Variants in CDH18 observed in about 807,000 individuals in gnomAD.
CDH18 encodes the protein cadherin-18.
Under a neutral mutation model 67.9 loss-of-function variants are expected in CDH18, and 31 were observed. The observed-to-expected ratio is 0.46, with a 90% CI of 0.34 to 0.62. CDH18 has a LOEUF of 0.62. Ranked by LOEUF, CDH18 falls within the 20% of genes least tolerant of loss-of-function variation. CDH18 has a pLI of 0.01. For synonymous variants in CDH18, 362 were observed against 347.2 expected (o/e 1.04, Z -0.48); for missense variants, 890 against 975.5 (o/e 0.91, Z 1.17).
At chr5:19,917,531 T>G (rs1791963334) in intron 2 of CDH18, among the ~76,000 whole-genome samples, 1 of 152,162 alleles carries the variant, frequency 6.6e-6, no homozygotes, top group African/African-American at 2.4e-5. Context: ...TGCATGTTTG[T>G]GTCCCTGCTT....
chr5:20,262,480 T>C (rs534728833), intron 1 of CDH18, among the ~76,000 whole-genome samples: 167 of 152,324 alleles, frequency 1.1e-3, no homozygotes, highest in African/African-American at 3.7e-3. Flanking sequence ...ATAATACATA[T>C]GCATAAATTC....
chr5:19,507,468 C>A (rs1295133481), intron 10 of CDH18, among the ~76,000 whole-genome samples: 1 of 151,990 alleles, frequency 6.6e-6, no homozygotes, highest in Non-Finnish European at 1.5e-5. Flanking sequence ...ATGTTTATTG[C>A]GGCACTATTC....
chr5:20,444,725 A>G (rs1313380351), intron 1 of CDH18, among the ~76,000 whole-genome samples: 3 of 152,018 alleles, frequency 2.0e-5, no homozygotes, highest in African/African-American at 4.8e-5. Flanking sequence ...TAAAATACCA[A>G]TACTCAAGTT....
intron 2 of CDH18, among the ~76,000 whole-genome samples, chr5:20,147,596 G>A (rs1750754521): frequency 6.6e-6 from 1 of 152,070 alleles, no homozygotes; most frequent in Non-Finnish European, 1.5e-5. Context: ...TGTAGACAGT[G>A]CAACTTGTAG....
At chr5:19,920,842 A>G (rs1579600772) in intron 2 of CDH18, among the ~76,000 whole-genome samples, 1 of 151,538 alleles carries the variant, frequency 6.6e-6, no homozygotes, top group East Asian at 2.0e-4. Flanking sequence ...CATCTCTGAA[A>G]TTTAGGGGTA....
In CDH18 at chr5:20,234,830, CA is replaced by C. The variant is rs572980128; in HGVS notation, c.-518+20613del. Among the ~76,000 whole-genome samples the C allele has an allele frequency of 1.2e-3, 188 of 152,162 alleles. 1 individual carries two copies. Among genetic ancestry groups the C allele is most frequent in the African/African-American group, 4.2e-3 (175 of 41,534 alleles). On this transcript the variant is annotated intron_variant, in intron 2 of 14. Coordinates refer to the CDH18 transcript ENST00000507958. ...GGGGACAACAATGTTTGAAGAAACA[CA>C]GACAGAAAGGTTCCAAATTTGATGA...
intron 9 of CDH18, among the ~76,000 whole-genome samples, chr5:19,528,775 A>T (rs1322772516): frequency 1.3e-5 from 2 of 151,940 alleles, no homozygotes; most frequent in African/African-American, 4.8e-5. Context: ...AAATTACCTG[A>T]GATTTTATAA....
chr5:20,549,579 T>C lies in CDH18; in HGVS notation c.-580+25883A>G, dbSNP rs138024663. On this transcript the variant is annotated intron_variant, in intron 1 of 14. Transcript: ENST00000507958. ...GAGTTTGGATGTTATCTTGAGCCCA[T>C]AGGGAAACATTACAGAAGACATTTT... Among the ~76,000 whole-genome samples the C allele has an allele frequency of 4.6e-5, 7 of 152,222 alleles. No individual in the cohort carries two copies. In the East Asian group the frequency reaches 7.7e-4, roughly 17 times the overall value.
intron 12 of CDH18, chr5:19,478,371 G>T (rs1343742312): frequency 1.3e-5 from 2 of 152,186 alleles, no homozygotes; most frequent in African/African-American, 2.4e-5. Flanking sequence ...GAGTCAGGGA[G>T]GTTATTTTTA....
At chr5:20,267,138 T>C (rs1229369136) in intron 1 of CDH18, among the ~76,000 whole-genome samples, 3 of 152,148 alleles carry the variant, frequency 2.0e-5, no homozygotes, top group African/African-American at 4.8e-5. Flanking sequence ...TAGTGTGAAA[T>C]AGGGGTTCAG....
intron 1 of CDH18, among the ~76,000 whole-genome samples, chr5:20,436,800 C>T (rs1749199444): frequency 7.0e-6 from 1 of 141,876 alleles, no homozygotes; most frequent in South Asian, 2.2e-4. Context: ...TGACAGATGC[C>T]AAAAACTAAA....
intron 1 of CDH18, among the ~76,000 whole-genome samples, chr5:20,534,425 T>C (rs1179646069): frequency 2.0e-5 from 3 of 152,072 alleles, no homozygotes; most frequent in Non-Finnish European, 4.4e-5. Context: ...GAAATGAATA[T>C]GTATATTTTC....
chr5:19,972,049 A>G lies in CDH18; in HGVS notation c.-257+9011T>C, dbSNP rs531981070. On this transcript the variant is annotated intron_variant, in intron 2 of 12. Transcript: ENST00000382275. ...TTTGGTTGTCAATAACTGTATTTGT[A>G]CTAAGTAAACAAAGATGATACAAAG... Among the ~76,000 whole-genome samples, 3 of 152,204 alleles carry G rather than the reference A, an allele frequency of 2.0e-5. No homozygotes were observed. In the East Asian group the frequency reaches 5.8e-4, roughly 29 times the overall value.
At chr5:20,370,081 T>TAGTAA (rs1742852450) in intron 1 of CDH18, among the ~76,000 whole-genome samples, 1 of 152,178 alleles carries the variant, frequency 6.6e-6, no homozygotes, top group Admixed American at 6.5e-5. Context: ...AAGTTTCCTT[T>TAGTAA]AGTAATTACT....
chr5:20,164,367 C>G (rs4361519), intron 2 of CDH18, among the ~76,000 whole-genome samples: 134,655 of 152,076 alleles, frequency 0.89, 60,079 homozygotes, highest in Non-Finnish European at 0.94. Context: ...GCTCACTGAA[C>G]CCTCCACCTC....
chr5:20,432,998 T>C (rs1368512424), intron 1 of CDH18, among the ~76,000 whole-genome samples: 1 of 143,306 alleles, frequency 7.0e-6, no homozygotes, highest in Non-Finnish European at 1.5e-5. Flanking sequence ...GTATACTATT[T>C]AGTCATTGTG....
At chr5:19,909,954 T>C (rs1579545585) in intron 2 of CDH18, among the ~76,000 whole-genome samples, 1 of 152,196 alleles carries the variant, frequency 6.6e-6, no homozygotes, top group African/African-American at 2.4e-5. Context: ...TTTCATCTTT[T>C]TTACCCATGA....
chr5:20,300,305 T>TGTGC (rs1026004532), intron 1 of CDH18, among the ~76,000 whole-genome samples: 3 of 41,218 alleles, frequency 7.3e-5, no homozygotes, highest in African/African-American at 1.4e-4. Context: ...TGTGTGTGCG[T>TGTGC]GTGTGTGTGT....
At chr5:19,964,306 T>C (rs971480079) in intron 2 of CDH18, among the ~76,000 whole-genome samples, 2 of 151,130 alleles carry the variant, frequency 1.3e-5, no homozygotes, top group African/African-American at 4.9e-5. Context: ...AAAGATTGGG[T>C]GCAGTGGCTC....
Sources: allele counts gnomAD v4.1 joint callset (sites outside exome capture counted in the v4.1 genomes callset), GRCh38; gene constraint gnomAD v4.1.1; transcripts MANE v1.5; gene names NCBI Gene and HGNC (gene_info 2026-07-23, HGNC 2026-07-21).